Variants in DCC observed in about 807,000 individuals in gnomAD.
The protein encoded by DCC is DCC netrin 1 receptor, also known as netrin receptor DCC.
In DCC, 58 loss-of-function variants were observed where a neutral mutation model predicts 172.5. That is an observed-to-expected ratio of 0.34 (90% CI 0.27 to 0.42). DCC has a LOEUF of 0.42. Among genes scored for constraint, DCC ranks in the 10% least tolerant of loss-of-function variants. The pLI is 1.00. For missense variants in DCC, 1,740 were observed against 1,791.0 expected (o/e 0.97, Z 0.51); for synonymous variants, 709 against 644.5 (o/e 1.10, Z -1.52).
intron 1 of DCC, among the ~76,000 whole-genome samples, chr18:52,724,992 G>A (rs541291889): frequency 6.6e-6 from 1 of 152,130 alleles, no homozygotes; most frequent in Admixed American, 6.5e-5. Flanking sequence ...ACCAAATAAA[G>A]AAATAGCTAA....
At chr18:53,351,335 GTGTA>G (rs370348661) in intron 15 of DCC, among the ~76,000 whole-genome samples, 3 of 9,356 alleles carry the variant, frequency 3.2e-4, no homozygotes, top group Non-Finnish European at 4.9e-4. Flanking sequence ...TATATATACA[GTGTA>G]TATATATATA....
At chr18:53,324,017 T>A (rs1366896870) in intron 14 of DCC, among the ~76,000 whole-genome samples, 2 of 152,200 alleles carry the variant, frequency 1.3e-5, no homozygotes, top group African/African-American at 4.8e-5. Flanking sequence ...TACTTTGTTT[T>A]AAGCAAGTCC....
chr18:52,834,829 CA>C (rs1206817861), intron 2 of DCC, among the ~76,000 whole-genome samples: 1 of 150,912 alleles, frequency 6.6e-6, no homozygotes. Flanking sequence ...TTCAGAAAGG[CA>C]AAAAAGGTAA....
At chr18:52,575,984 A>G (rs2033400709) in intron 1 of DCC, among the ~76,000 whole-genome samples, 1 of 152,166 alleles carries the variant, frequency 6.6e-6, no homozygotes, top group Non-Finnish European at 1.5e-5. Context: ...AAGCGAAGGA[A>G]GATCTCTCTC....
intron 2 of DCC, among the ~76,000 whole-genome samples, chr18:52,813,668 T>G (rs751510586): frequency 6.6e-6 from 1 of 152,214 alleles, no homozygotes; most frequent in African/African-American, 2.4e-5. Flanking sequence ...AGGTTGTTTT[T>G]GGTTGAGATT....
rs1386758972 is a variant in DCC, at chr18:53,312,165, AAAAAAAAAAAAAG to A, written c.2053+6452_2053+6464del. Among the ~76,000 whole-genome samples the A allele has an allele frequency of 1.1e-3, 40 of 35,510 alleles. 1 individual carries two copies. Among genetic ancestry groups the A allele is most frequent in the East Asian group, 7.8e-3 (4 of 512 alleles). 23.3% of individuals were successfully genotyped at this position (35,510 alleles called of 152,430 possible). ...TCTGCTAAAAATACAAAAAAAAAAAAAAAAAAAAAAAAGAAAAAGAAAATTAGCCTGGTGTGGT... is the reference window on the plus strand; with the variant it reads ...TCTGCTAAAAATACAAAAAAAAAAAAAAAAAGAAAATTAGCCTGGTGTGGT... On this transcript the variant is annotated intron_variant, in intron 13 of 28. Coordinates refer to ENST00000442544, the MANE Select transcript of DCC (RefSeq NM_005215.4).
chr18:52,979,133 A>C (rs2041167177), intron 5 of DCC, among the ~76,000 whole-genome samples: 1 of 152,192 alleles, frequency 6.6e-6, no homozygotes, highest in Admixed American at 6.5e-5. Context: ...TTAGCATAAA[A>C]GTATAATTAT....
At chr18:52,554,820 A>G (rs1428326697) in intron 1 of DCC, among the ~76,000 whole-genome samples, 1 of 152,104 alleles carries the variant, frequency 6.6e-6, no homozygotes, top group Non-Finnish European at 1.5e-5. Flanking sequence ...AGAAATGTGT[A>G]TAAGATCTGA....
At chr18:52,903,788 G>T (rs529925322) in intron 2 of DCC, among the ~76,000 whole-genome samples, 5 of 152,168 alleles carry the variant, frequency 3.3e-5, no homozygotes, top group Non-Finnish European at 5.9e-5. Context: ...ACTACTCATT[G>T]CAGCTTTGCT....
chr18:53,466,386 T>C (rs556462313), intron 24 of DCC, among the ~76,000 whole-genome samples: 38 of 152,248 alleles, frequency 2.5e-4, no homozygotes, highest in Non-Finnish European at 4.6e-4. Flanking sequence ...TAGCTGGCTT[T>C]TCACAAAGAC....
At chr18:52,558,408 A>G (rs2032963148) in intron 1 of DCC, among the ~76,000 whole-genome samples, 1 of 152,186 alleles carries the variant, frequency 6.6e-6, no homozygotes, top group South Asian at 2.1e-4. Flanking sequence ...TTTTCTATAC[A>G]TACATATTAT....
chr18:53,187,492 A>G (rs1027027851), intron 9 of DCC, among the ~76,000 whole-genome samples: 2 of 152,164 alleles, frequency 1.3e-5, no homozygotes, highest in Non-Finnish European at 2.9e-5. Flanking sequence ...AATCTAACGC[A>G]GATATAATTT....
intron 1 of DCC, among the ~76,000 whole-genome samples, chr18:52,713,117 G>A (rs1309589854): frequency 6.6e-6 from 1 of 152,228 alleles, no homozygotes; most frequent in East Asian, 1.9e-4. Context: ...TGGAAGGAGT[G>A]TCGAGGGACT....
chr18:52,920,456 G>A (rs1008452708), intron 3 of DCC, among the ~76,000 whole-genome samples: 4 of 151,834 alleles, frequency 2.6e-5, no homozygotes, highest in Non-Finnish European at 5.9e-5. Context: ...TTTAACATAT[G>A]TCATTAGGCA....
At chr18:52,551,786 C>T (rs1449254552) in intron 1 of DCC, among the ~76,000 whole-genome samples, 1 of 150,970 alleles carries the variant, frequency 6.6e-6, no homozygotes, top group African/African-American at 2.4e-5. Flanking sequence ...GCATGAATTA[C>T]TATTTCTAGT....
chr18:52,431,031 C>T (rs1987603884), intron 1 of DCC, among the ~76,000 whole-genome samples: 1 of 152,100 alleles, frequency 6.6e-6, no homozygotes, highest in Non-Finnish European at 1.5e-5. Flanking sequence ...AAAAGATGGA[C>T]ACATATGGAA....
chr18:52,597,484 T>C (rs1326607593), intron 1 of DCC, among the ~76,000 whole-genome samples: 1 of 151,364 alleles, frequency 6.6e-6, no homozygotes, highest in Admixed American at 6.6e-5. Context: ...GTAGAAAATA[T>C]GCGATCACAC....
intron 14 of DCC, among the ~76,000 whole-genome samples, chr18:53,332,413 T>C (rs1237181903): frequency 1.3e-5 from 2 of 151,834 alleles, no homozygotes; most frequent in Non-Finnish European, 2.9e-5. Flanking sequence ...TGTAAAAACT[T>C]GTGGTAGTAA....
intron 1 of DCC, among the ~76,000 whole-genome samples, chr18:52,402,948 G>A (rs1053879611): frequency 6.6e-6 from 1 of 152,010 alleles, no homozygotes; most frequent in African/African-American, 2.4e-5. Flanking sequence ...GTGTTCAAGT[G>A]TGCCTGGAGC....
Sources: allele counts gnomAD v4.1 joint callset (sites outside exome capture counted in the v4.1 genomes callset), GRCh38; gene constraint gnomAD v4.1.1; transcripts MANE v1.5; gene names NCBI Gene and HGNC (gene_info 2026-07-23, HGNC 2026-07-21).